The following FHIT variants were observed in gnomAD, a reference collection of about 807,000 sequenced individuals.
FHIT encodes bis(5'-adenosyl)-triphosphatase.
Under a neutral mutation model 17.9 loss-of-function variants are expected in FHIT, and 19 were observed. That is an observed-to-expected ratio of 1.06 (90% confidence interval 0.74 to 1.56). FHIT has a LOEUF of 1.56. Among genes scored for constraint, FHIT ranks in the 40% most tolerant of loss-of-function variants. The pLI, the probability that FHIT is intolerant of heterozygous loss-of-function variation, is 0.00. For synonymous variants in FHIT, 81 were observed against 69.7 expected (o/e 1.16, Z -0.81); for missense variants, 248 against 189.2 (o/e 1.31, Z -1.82).
chr3:60,039,934 C>G (rs745959824), intron 5 of FHIT, among the ~76,000 whole-genome samples: 2 of 152,078 alleles, frequency 1.3e-5, no homozygotes, highest in African/African-American at 2.4e-5. Flanking sequence ...GTCACTGATC[C>G]ACCATTCTTT....
chr3:60,402,089 C>G (rs1266018326), intron 5 of FHIT, among the ~76,000 whole-genome samples: 2 of 152,122 alleles, frequency 1.3e-5, no homozygotes, highest in African/African-American at 2.4e-5. Context: ...CCCATCCCTG[C>G]CAGCTCCTCC....
intron 5 of FHIT, among the ~76,000 whole-genome samples, chr3:60,318,213 G>GA (rs763939979): frequency 1.4e-4 from 22 of 152,182 alleles, no homozygotes; most frequent in African/African-American, 4.8e-4. Flanking sequence ...TAAGCACCAA[G>GA]AAAAAAATCA....
chr3:59,844,703 A>C (rs1200128629), intron 8 of FHIT, among the ~76,000 whole-genome samples: 1 of 152,046 alleles, frequency 6.6e-6, no homozygotes, highest in Non-Finnish European at 1.5e-5. Flanking sequence ...CTTTTAATAT[A>C]CCGGTGAGTT....
chr3:59,904,378 T>C (rs1704486429), intron 8 of FHIT, among the ~76,000 whole-genome samples: 1 of 151,196 alleles, frequency 6.6e-6, no homozygotes, highest in South Asian at 2.1e-4. Flanking sequence ...TAGGAGATGA[T>C]TTTCATGCAA....
At chr3:60,708,434 C>A (rs1296075580) in intron 4 of FHIT, among the ~76,000 whole-genome samples, 1 of 152,170 alleles carries the variant, frequency 6.6e-6, no homozygotes, top group Non-Finnish European at 1.5e-5. Flanking sequence ...TTCCCAAGTT[C>A]ATTGATATGT....
intron 3 of FHIT, among the ~76,000 whole-genome samples, chr3:60,857,371 C>G (rs1423064137): frequency 1.3e-5 from 2 of 152,142 alleles, no homozygotes; most frequent in Non-Finnish European, 2.9e-5. Flanking sequence ...AGAGCACAAG[C>G]TAAGGTATCA....
At chr3:60,312,611 C>G (rs546687895) in intron 5 of FHIT, among the ~76,000 whole-genome samples, 4 of 152,126 alleles carry the variant, frequency 2.6e-5, no homozygotes, top group Non-Finnish European at 5.9e-5. Flanking sequence ...CTGGTATGGA[C>G]CTGAGATTCT....
At chr3:61,180,456 C>A (rs1020390135) in intron 2 of FHIT, among the ~76,000 whole-genome samples, 3 of 152,138 alleles carry the variant, frequency 2.0e-5, no homozygotes, top group African/African-American at 7.2e-5. Context: ...TCCCTCTCAA[C>A]GATAAATTCA....
At chr3:60,123,015 C>A (rs767699396) in intron 5 of FHIT, among the ~76,000 whole-genome samples, 2 of 152,166 alleles carry the variant, frequency 1.3e-5, no homozygotes, top group Non-Finnish European at 2.9e-5. Flanking sequence ...TGTGCAGTTT[C>A]ATTAAAATAA....
At chr3:59,958,137 T>G (rs1180096324) in intron 7 of FHIT, among the ~76,000 whole-genome samples, 1 of 152,192 alleles carries the variant, frequency 6.6e-6, no homozygotes, top group East Asian at 1.9e-4. Flanking sequence ...AAAGCCCTTC[T>G]CTAGCTGGAA....
chr3:60,524,896 T>C (rs1025426650), intron 5 of FHIT, among the ~76,000 whole-genome samples: 2 of 152,196 alleles, frequency 1.3e-5, no homozygotes, highest in African/African-American at 4.8e-5. Context: ...CCTAATAAGG[T>C]ACCATTCACA....
At chr3:60,901,987 A>G (rs942375767) in intron 3 of FHIT, among the ~76,000 whole-genome samples, 14 of 151,990 alleles carry the variant, frequency 9.2e-5, no homozygotes, top group African/African-American at 3.4e-4. Context: ...AAGTAATAGC[A>G]TTTTTGTTTG....
intron 8 of FHIT, among the ~76,000 whole-genome samples, chr3:59,920,120 A>ATAG (rs1219888546): frequency 2.0e-5 from 3 of 152,238 alleles, no homozygotes; most frequent in Non-Finnish European, 4.4e-5. Flanking sequence ...TTAAAGAAAA[A>ATAG]TAGTAATAAT....
At chr3:60,328,049 C>T (rs1470359540) in intron 5 of FHIT, among the ~76,000 whole-genome samples, 2 of 152,144 alleles carry the variant, frequency 1.3e-5, no homozygotes, top group African/African-American at 2.4e-5. Context: ...AGGGAAGAAG[C>T]AAGAAAGAGA....
At chr3:61,217,654 C>T (rs1186717363) in intron 1 of FHIT, among the ~76,000 whole-genome samples, 2 of 152,092 alleles carry the variant, frequency 1.3e-5, no homozygotes, top group Non-Finnish European at 2.9e-5. Flanking sequence ...GTGTCTGTTA[C>T]ACTGTAAGAA....
At chr3:60,767,086 T>A (rs1319712038) in intron 4 of FHIT, among the ~76,000 whole-genome samples, 1 of 152,176 alleles carries the variant, frequency 6.6e-6, no homozygotes, top group Non-Finnish European at 1.5e-5. Flanking sequence ...AAAACTTACG[T>A]CTTGAATTGA....
At chr3:60,646,519 G>A (rs1255988940) in intron 4 of FHIT, among the ~76,000 whole-genome samples, 2 of 152,074 alleles carry the variant, frequency 1.3e-5, no homozygotes, top group African/African-American at 4.8e-5. Context: ...TTTCATACAA[G>A]TTTTTTATCC....
intron 5 of FHIT, among the ~76,000 whole-genome samples, chr3:60,238,143 C>A (rs76391806): frequency 5.9e-3 from 659 of 111,630 alleles, no homozygotes; most frequent in Middle Eastern, 0.011. Flanking sequence ...GACTCCGTCT[C>A]AAAAAAAAAA....
At chr3:60,188,037 G>T (rs1702232641) in intron 5 of FHIT, among the ~76,000 whole-genome samples, 1 of 152,016 alleles carries the variant, frequency 6.6e-6, no homozygotes, top group Non-Finnish European at 1.5e-5. Context: ...TGATGCACCT[G>T]TATTACACAG....
Sources: allele counts gnomAD v4.1 joint callset (sites outside exome capture counted in the v4.1 genomes callset), GRCh38; gene constraint gnomAD v4.1.1; transcripts MANE v1.5; gene names NCBI Gene and HGNC (gene_info 2026-07-23, HGNC 2026-07-21).